Variants in RSU1 observed in about 807,000 individuals in gnomAD.
The protein encoded by RSU1 is Ras suppressor protein 1, also known as rsu-1.
In RSU1, 26 loss-of-function variants were observed where a neutral mutation model predicts 31.1. The ratio of observed to expected loss-of-function variants is 0.84; its 90% CI spans 0.61 to 1.16. The LOEUF (loss-of-function observed/expected upper bound fraction) is 1.16. RSU1 is among the 50% of genes most tolerant of loss of function. The probability of loss-of-function intolerance (pLI) is 0.00; values close to 1 mark genes in which losing one functional copy is unlikely to be tolerated. For missense variants in RSU1, 320 were observed against 339.1 expected, an observed-to-expected ratio of 0.94 and a Z score of 0.44; for synonymous variants, 164 against 136.3, an observed-to-expected ratio of 1.20 and a Z score of -1.41.
intron 8 of RSU1, among the ~76,000 whole-genome samples, chr10:16,602,364 A>AG (rs1833727257): frequency 6.6e-6 from 1 of 152,222 alleles, no homozygotes; most frequent in Non-Finnish European, 1.5e-5. Context: ...CAACCCAGCG[A>AG]GGAAGCTCCT....
chr10:16,672,384 T>A (rs1038987049), intron 8 of RSU1, among the ~76,000 whole-genome samples: 2 of 152,012 alleles, frequency 1.3e-5, no homozygotes, highest in African/African-American at 4.8e-5. Context: ...AGAGAAACAA[T>A]AGCACATGTT....
intron 7 of RSU1, among the ~76,000 whole-genome samples, chr10:16,734,276 T>C (rs1365070674): frequency 6.6e-6 from 1 of 152,150 alleles, no homozygotes; most frequent in African/African-American, 2.4e-5. Context: ...ATCAAATGAG[T>C]GATGTATTGC....
rs550829710 is a variant in RSU1 at position 16,808,799 on chromosome 10, G to A, written c.109+8174C>T. Among the ~76,000 whole-genome samples the A allele has an allele frequency of 7.2e-5, 11 of 152,258 alleles. No homozygotes were observed. In the South Asian group the frequency reaches 2.1e-3, roughly 29 times the overall value. On this transcript the variant is annotated intron_variant, in intron 2 of 8. Transcript: ENST00000345264. ...TTGGAGATGGGGCCTTTAAAGAGGC[G>A]ATCAGGTTAAAATGAGGTCCTTAAG... is the stretch of plus-strand genomic sequence containing the variant.
intron 8 of RSU1, among the ~76,000 whole-genome samples, chr10:16,687,451 A>G (rs993852805): frequency 6.6e-6 from 1 of 152,252 alleles, no homozygotes; most frequent in African/African-American, 2.4e-5. Flanking sequence ...GAAAATGCAA[A>G]AAAGGGAAAA....
chr10:16,773,646 C>T (rs960790094), intron 3 of RSU1, among the ~76,000 whole-genome samples: 2 of 152,192 alleles, frequency 1.3e-5, no homozygotes, highest in Admixed American at 6.5e-5. Context: ...GCCTCCTCCA[C>T]GTAATACAGA....
chr10:16,778,247 T>C (rs1348088452), intron 3 of RSU1, among the ~76,000 whole-genome samples: 1 of 152,046 alleles, frequency 6.6e-6, no homozygotes, highest in Admixed American at 6.6e-5. Flanking sequence ...CGCTCTACCA[T>C]GTTTGAAATG....
intron 7 of RSU1, among the ~76,000 whole-genome samples, chr10:16,701,622 AC>A (rs1291139308): frequency 1.3e-5 from 2 of 152,166 alleles, no homozygotes; most frequent in East Asian, 3.8e-4. Flanking sequence ...ACTTACACAC[AC>A]ACACACACAC....
At chr10:16,693,405 C>A (rs1322148904) in intron 8 of RSU1, among the ~76,000 whole-genome samples, 1 of 151,680 alleles carries the variant, frequency 6.6e-6, no homozygotes. Context: ...TCTGCCCTGC[C>A]AATCAATCCC....
At chr10:16,642,504 C>A (rs1342142630) in intron 8 of RSU1, among the ~76,000 whole-genome samples, 1 of 152,086 alleles carries the variant, frequency 6.6e-6, no homozygotes, top group Non-Finnish European at 1.5e-5. Context: ...GGGGGAAGAG[C>A]CACTTTCGTC....
chr10:16,644,470 C>A (rs1183168914), intron 8 of RSU1, among the ~76,000 whole-genome samples: 1 of 152,188 alleles, frequency 6.6e-6, no homozygotes, highest in Non-Finnish European at 1.5e-5. Context: ...TCTTATTATT[C>A]TTCAAAGTAG....
chr10:16,749,269 A>C (rs1210534991), intron 7 of RSU1, among the ~76,000 whole-genome samples: 1 of 152,034 alleles, frequency 6.6e-6, no homozygotes, highest in African/African-American at 2.4e-5. Context: ...CACGTATTAA[A>C]CCTCCAGCCA....
chr10:16,703,292 T>C (rs1309825982), intron 7 of RSU1, among the ~76,000 whole-genome samples: 2 of 152,178 alleles, frequency 1.3e-5, no homozygotes, highest in African/African-American at 4.8e-5. Flanking sequence ...ACAGCAGCGT[T>C]GGTTGTGTTA....
chr10:16,775,323 T>C (rs999435707), intron 3 of RSU1, among the ~76,000 whole-genome samples: 7 of 152,194 alleles, frequency 4.6e-5, no homozygotes, highest in Admixed American at 2.0e-4. Flanking sequence ...GTGACAGGCT[T>C]ACACTCCCCC....
At chr10:16,708,672 A>G (rs1372748734) in intron 7 of RSU1, among the ~76,000 whole-genome samples, 2 of 152,146 alleles carry the variant, frequency 1.3e-5, no homozygotes, top group Non-Finnish European at 2.9e-5. Context: ...ATTTTAGGTA[A>G]TATGGCCATC....
At chr10:16,800,291 C>G (rs139164569) in intron 2 of RSU1, among the ~76,000 whole-genome samples, 1 of 152,030 alleles carries the variant, frequency 6.6e-6, no homozygotes, top group African/African-American at 2.4e-5. Flanking sequence ...TATCTGACTG[C>G]GACTTTAAAA....
chr10:16,602,398 G>A (rs1274826047), intron 8 of RSU1, among the ~76,000 whole-genome samples: 2 of 152,220 alleles, frequency 1.3e-5, no homozygotes, highest in African/African-American at 4.8e-5. Flanking sequence ...TTTGTCAGAT[G>A]AGGAAATTGA....
chr10:16,767,602 A>AT (rs1008613357), intron 3 of RSU1, among the ~76,000 whole-genome samples: 2 of 151,610 alleles, frequency 1.3e-5, no homozygotes, highest in South Asian at 2.1e-4. Flanking sequence ...AATATACGGA[A>AT]TTTTTTTTTA....
intron 7 of RSU1, among the ~76,000 whole-genome samples, chr10:16,738,591 T>A (rs1219443477): frequency 6.6e-6 from 1 of 152,032 alleles, no homozygotes; most frequent in African/African-American, 2.4e-5. Context: ...TCAGTGAAAC[T>A]ACAATCAGCT....
chr10:16,803,145 G>A lies in RSU1; in HGVS notation c.109+13828C>T, dbSNP rs1838191596. 1.3e-5 allele frequency among the ~76,000 whole-genome samples: 2 copies of A among 152,004 alleles called. 1 individual carries two copies. Among genetic ancestry groups the A allele is most frequent in the African/African-American group, 4.8e-5 (2 of 41,432 alleles). ...TAGAAAATCCCAAAGAATCAACAAA[G>A]AAGAACTGAAACTAATAACTACAGC... On this transcript the variant is annotated intron_variant, in intron 2 of 8. Coordinates refer to ENST00000345264, the MANE Select transcript of RSU1 (RefSeq NM_012425.4).
Sources: allele counts gnomAD v4.1 joint callset (sites outside exome capture counted in the v4.1 genomes callset), GRCh38; gene constraint gnomAD v4.1.1; transcripts MANE v1.5; gene names NCBI Gene and HGNC (gene_info 2026-07-23, HGNC 2026-07-21).